GRIK3: variants seen among roughly 807,000 people sequenced by gnomAD.
GRIK3 encodes the protein glutamate receptor ionotropic, kainate 3.
Under a neutral mutation model 102.5 loss-of-function variants are expected in GRIK3, and 29 were observed. That is an observed-to-expected ratio of 0.28 (90% CI 0.21 to 0.39). The LOEUF is 0.39. Among genes scored for constraint, GRIK3 ranks in the 10% least tolerant of loss-of-function variants. GRIK3 has a pLI of 1.00. For synonymous variants in GRIK3, 511 were observed against 504.9 expected (o/e 1.01, Z -0.16); for missense variants, 908 against 1,252.4 (o/e 0.73, Z 4.15).
At chr1:36,820,196 A>G (rs2124192477) in intron 11 of GRIK3, among the ~76,000 whole-genome samples, 1 of 152,340 alleles carries the variant, frequency 6.6e-6, no homozygotes, top group Middle Eastern at 3.4e-3. Flanking sequence ...AATTGCAAAA[A>G]AAACCTGGAA....
intron 1 of GRIK3, among the ~76,000 whole-genome samples, chr1:36,965,160 T>C (rs573958769): frequency 6.6e-6 from 1 of 152,234 alleles, no homozygotes; most frequent in East Asian, 1.9e-4. Context: ...ATCCTAGACT[T>C]CTATTTCCTC....
At chr1:36,962,044 A>G (rs2124349488) in intron 1 of GRIK3, among the ~76,000 whole-genome samples, 1 of 152,246 alleles carries the variant, frequency 6.6e-6, no homozygotes, top group East Asian at 1.9e-4. Context: ...AGACACAGAA[A>G]AATTCAAAAG....
chr1:36,887,756 CAAAAAA>C (rs375757853), intron 2 of GRIK3, among the ~76,000 whole-genome samples: 1 of 103,634 alleles, frequency 9.6e-6, no homozygotes, highest in Non-Finnish European at 2.0e-5. Context: ...AATTCCATCT[CAAAAAA>C]AAAAAAAAAA....
intron 1 of GRIK3, among the ~76,000 whole-genome samples, chr1:36,957,585 AGT>A (rs1641935144): frequency 2.0e-5 from 2 of 98,364 alleles, no homozygotes; most frequent in African/African-American, 3.9e-5. Flanking sequence ...GTGCCCTGTG[AGT>A]CTCTGTGCCC....
intron 1 of GRIK3, among the ~76,000 whole-genome samples, chr1:36,913,308 A>C (rs3753764): frequency 0.033 from 5,064 of 152,270 alleles, 195 homozygotes; most frequent in East Asian, 0.1. Context: ...GCCCTGAGAA[A>C]GCCAGAAGGC....
intron 1 of GRIK3, among the ~76,000 whole-genome samples, chr1:36,903,118 C>T (rs1373029232): frequency 6.6e-6 from 1 of 152,098 alleles, no homozygotes; most frequent in Non-Finnish European, 1.5e-5. Flanking sequence ...CATATGCAAA[C>T]CACTTTTAAA....
intron 1 of GRIK3, among the ~76,000 whole-genome samples, chr1:37,028,453 G>C (rs1382633233): frequency 6.6e-6 from 1 of 152,136 alleles, no homozygotes; most frequent in Non-Finnish European, 1.5e-5. Context: ...TGGTAGGAAG[G>C]CTGGGAAAGA....
chr1:36,873,611 GAC>G (rs1256557190), intron 3 of GRIK3, among the ~76,000 whole-genome samples: 1 of 152,002 alleles, frequency 6.6e-6, no homozygotes, highest in Non-Finnish European at 1.5e-5. Flanking sequence ...TGGTCCTGGT[GAC>G]ACAGTTCACA....
chr1:36,952,467 C>T (rs940453240), intron 1 of GRIK3, among the ~76,000 whole-genome samples: 1 of 152,240 alleles, frequency 6.6e-6, no homozygotes, highest in Non-Finnish European at 1.5e-5. Context: ...CCACCTCTCT[C>T]ATTAGTTTTG....
intron 1 of GRIK3, among the ~76,000 whole-genome samples, chr1:36,967,422 G>A (rs536839881): frequency 1.1e-4 from 17 of 152,322 alleles, no homozygotes; most frequent in African/African-American, 4.1e-4. Context: ...TCACTCTACA[G>A]CATATAGCTC....
rs373621424 is a variant in GRIK3, at chr1:36,952,212, A to G, written c.116-61116T>C. On this transcript the variant is annotated intron_variant, in intron 1 of 15. Transcript: ENST00000373091. ...GAGCCTACTCATCCCTCAAAACCCT[A>G]CTCAAAGAGCCCTTCCTCCATGGTG... Among the ~76,000 whole-genome samples, 308 of 152,094 alleles carry G rather than the reference A, an allele frequency of 2.0e-3. 1 individual carries two copies. Among genetic ancestry groups the G allele is most frequent in the African/African-American group, 7.0e-3 (289 of 41,498 alleles).
chr1:36,988,468 GCC>G (rs1269395513), intron 1 of GRIK3, among the ~76,000 whole-genome samples: 2 of 152,350 alleles, frequency 1.3e-5, no homozygotes, highest in African/African-American at 4.8e-5. Context: ...CCGCCCAGAG[GCC>G]CTGCTGGCAG....
Position 36,859,828 on chromosome 1 carries a change from C to T in GRIK3, c.960+16G>A, listed in dbSNP as rs1640699242. On this transcript the variant is annotated intron_variant, in intron 6 of 15. Coordinates refer to ENST00000373091, the MANE Select transcript of GRIK3 (RefSeq NM_000831.4). ...GGTGGGAAGCCCCTGGAATTCACCTCACCCAGCCGCCTTACCATCATCACT... is the reference window on the plus strand; with the variant it reads ...GGTGGGAAGCCCCTGGAATTCACCTTACCCAGCCGCCTTACCATCATCACT... The T allele has an allele frequency of 1.2e-6, 2 of 1,607,358 alleles. No homozygotes were observed. The highest frequency in any genetic ancestry group is 1.7e-6 in the Non-Finnish European group (2 of 1,174,448).
At position 36,817,213 on chromosome 1, in the gene GRIK3, C is replaced by T. The variant is rs144959883; in HGVS notation, c.1938G>A (p.Thr646=). 19 of 1,613,732 alleles carry T rather than the reference C, an allele frequency of 1.2e-5. No individual in the cohort carries two copies. In the African/African-American group the frequency reaches 1.2e-4, roughly 10 times the overall value. ...CCGTGTAGGAAGAGATGATGATGAG[C>T]GTGAAGAACCACCAGATGCCACCAA... The part of the protein sequence containing the change: ...RIIGGIWWFF[T]LIIISSYTAN... Residue 646 remains threonine, a synonymous_variant, in exon 13 of 16, where the codon ACG becomes ACA. Coordinates refer to ENST00000373091, the MANE Select transcript of GRIK3 (RefSeq NM_000831.4).
At chr1:36,825,445 G>T (rs1036700900) in intron 11 of GRIK3, among the ~76,000 whole-genome samples, 158 bp downstream of exon 11, 2 of 152,188 alleles carry the variant, frequency 1.3e-5, no homozygotes, top group African/African-American at 4.8e-5. Context: ...TTCCTTGAGG[G>T]ATACAAAGGA....
chr1:37,024,773 C>T (rs1642750981), intron 1 of GRIK3, among the ~76,000 whole-genome samples: 1 of 147,894 alleles, frequency 6.8e-6, no homozygotes, highest in African/African-American at 2.5e-5. Context: ...AGAGTTTGCT[C>T]AAGATTACAC....
chr1:37,004,501 T>C (rs902192272), intron 1 of GRIK3, among the ~76,000 whole-genome samples: 1 of 152,144 alleles, frequency 6.6e-6, no homozygotes, highest in Non-Finnish European at 1.5e-5. Context: ...CAGCCCCCAC[T>C]TTCCTGCCCC....
chr1:36,808,689 C>G (rs1642526541), intron 13 of GRIK3, among the ~76,000 whole-genome samples: 1 of 152,162 alleles, frequency 6.6e-6, no homozygotes, highest in Non-Finnish European at 1.5e-5. Flanking sequence ...CATGAGGGAC[C>G]CTGAGCCAGA....
intron 13 of GRIK3, among the ~76,000 whole-genome samples, chr1:36,807,415 G>T (rs1198548997): frequency 6.6e-6 from 1 of 152,188 alleles, no homozygotes; most frequent in Non-Finnish European, 1.5e-5. Flanking sequence ...TGGTTCTGCA[G>T]GCCCCACTGA....
Sources: allele counts gnomAD v4.1 joint callset (sites outside exome capture counted in the v4.1 genomes callset), GRCh38; gene constraint gnomAD v4.1.1; transcripts MANE v1.5; gene names NCBI Gene and HGNC (gene_info 2026-07-23, HGNC 2026-07-21).